MAP4K4: variants seen among roughly 807,000 people sequenced by gnomAD.
MAP4K4 encodes the protein HPK/GCK-like kinase HGK.
Under a neutral mutation model 189.6 loss-of-function variants are expected in MAP4K4, and 38 were observed. That is an observed-to-expected ratio of 0.20 (90% CI 0.15 to 0.26). The LOEUF is 0.26. Ranked by LOEUF, MAP4K4 falls within the 10% of genes least tolerant of loss-of-function variation. The probability of loss-of-function intolerance (pLI) is 1.00; values close to 1 mark genes in which losing one functional copy is unlikely to be tolerated. For missense variants in MAP4K4, 1,054 were observed against 1,726.9 expected, an observed-to-expected ratio of 0.61 and a Z score of 6.91; for synonymous variants, 610 against 624.3, an observed-to-expected ratio of 0.98 and a Z score of 0.34.
chr2:101,887,835 G>C, exon 31 of MAP4K4: 1 of 1,613,256 alleles, frequency 6.2e-7, no homozygotes, highest in Non-Finnish European at 8.5e-7. Flanking sequence ...AGATGGAATG[G>C]AGCTTCTGGT....
At chr2:101,870,907 C>A (rs896437910) in intron 23 of MAP4K4, among the ~76,000 whole-genome samples, 1 of 152,170 alleles carries the variant, frequency 6.6e-6, no homozygotes, top group African/African-American at 2.4e-5. Context: ...CTTCTATGTT[C>A]CAAAATGTTA....
At chr2:101,845,154 T>G (rs1242809488) in intron 12 of MAP4K4, among the ~76,000 whole-genome samples, 1 of 149,720 alleles carries the variant, frequency 6.7e-6, no homozygotes, top group African/African-American at 2.5e-5. Flanking sequence ...AGAAAATAAA[T>G]TTTTACTGGT....
chr2:101,734,901 A>G (rs1250813007), intron 2 of MAP4K4, among the ~76,000 whole-genome samples: 10 of 152,130 alleles, frequency 6.6e-5, no homozygotes, highest in Non-Finnish European at 1.5e-4. Flanking sequence ...CTCAGCATCT[A>G]AGACTCTTAG....
chr2:101,753,663 G>GTT (rs57671185), intron 2 of MAP4K4, among the ~76,000 whole-genome samples: 9 of 143,036 alleles, frequency 6.3e-5, no homozygotes, highest in African/African-American at 5.1e-5. Context: ...CAAGTATACA[G>GTT]TTTTTTTTTT....
intron 3 of MAP4K4, among the ~76,000 whole-genome samples, chr2:101,822,018 C>T (rs2096085591): frequency 6.6e-6 from 1 of 152,216 alleles, no homozygotes; most frequent in South Asian, 2.1e-4. Context: ...AGAAGGTCTT[C>T]AAGGGCAGTC....
At chr2:101,700,845 T>A (rs887330694) in intron 2 of MAP4K4, among the ~76,000 whole-genome samples, 3 of 151,862 alleles carry the variant, frequency 2.0e-5, no homozygotes, top group Non-Finnish European at 4.4e-5. Context: ...GGAACTTCAA[T>A]CTTAGAAGTG....
At chr2:101,835,726 A>G (rs2096730870) in intron 8 of MAP4K4, among the ~76,000 whole-genome samples, 174 bp from the exon 9 acceptor site, 1 of 152,166 alleles carries the variant, frequency 6.6e-6, no homozygotes, top group South Asian at 2.1e-4. Flanking sequence ...CTATTTTTAA[A>G]TGGGAAATTC....
At chr2:101,859,081 T>C (rs1165774053) in exon 14 of MAP4K4, 1 of 1,610,146 alleles carries the variant, frequency 6.2e-7, no homozygotes. Context: ...GCCATGTTAC[T>C]GGTAAAGCCC....
At chr2:101,877,997 C>T (rs989100967) in intron 27 of MAP4K4, among the ~76,000 whole-genome samples, 5 of 152,320 alleles carry the variant, frequency 3.3e-5, no homozygotes, top group East Asian at 1.9e-4. Context: ...GATCCACCCA[C>T]CTTGGCCTCC....
chr2:101,751,225 TAACTA>T (rs1411086650), intron 2 of MAP4K4, among the ~76,000 whole-genome samples: 1 of 152,226 alleles, frequency 6.6e-6, no homozygotes, highest in African/African-American at 2.4e-5. Context: ...AGCATGAAGT[TAACTA>T]AAAGGAAAGG....
intron 32 of MAP4K4, 106 bp downstream of exon 32, chr2:101,889,041 T>C (rs1431958218): frequency 9.0e-7 from 1 of 1,112,520 alleles, no homozygotes; most frequent in East Asian, 2.6e-5. Context: ...ATAAAAATAA[T>C]CAAGGAACTT....
chr2:101,745,204 T>C, intron 2 of MAP4K4, among the ~76,000 whole-genome samples: 1 of 151,956 alleles, frequency 6.6e-6, no homozygotes, highest in East Asian at 1.9e-4. Flanking sequence ...TTTTCAAAGG[T>C]GAAATAGAGC....
chr2:101,870,619 A>G (rs2097964826), intron 23 of MAP4K4: 2 of 576,432 alleles, frequency 3.5e-6, no homozygotes, highest in Non-Finnish European at 6.0e-6. Context: ...TCCACCCCAC[A>G]TCGCTGCTCC....
At chr2:101,769,936 A>T (rs551081199) in intron 2 of MAP4K4, among the ~76,000 whole-genome samples, 1 of 152,292 alleles carries the variant, frequency 6.6e-6, no homozygotes, top group Admixed American at 6.5e-5. Context: ...ATGTATTTAA[A>T]GGAAAGTCTG....
At chr2:101,736,489 G>GT (rs543078359) in intron 2 of MAP4K4, among the ~76,000 whole-genome samples, 3 of 152,166 alleles carry the variant, frequency 2.0e-5, no homozygotes, top group Admixed American at 1.3e-4. Context: ...GCACAGTTGT[G>GT]TTTTTACATT....
In MAP4K4 at chr2:101,852,255, C is replaced by T. The variant is rs555057412; in HGVS notation, c.1234-3722C>T. On this transcript the variant is annotated intron_variant, in intron 12 of 32. Transcript: ENST00000324219. The stretch of plus-strand genomic sequence containing the variant: ...ATTGCCTTAGGATTTGATTGGATTT[C>T]GTAGGACCTAGAGACCTAAATGGAT... 1.1e-3 allele frequency among the ~76,000 whole-genome samples: 160 copies of T among 151,814 alleles called. 2 individuals are homozygous for T. Among genetic ancestry groups the T allele is most frequent in the African/African-American group, 3.7e-3 (152 of 41,410 alleles).
At chr2:101,736,709 C>G (rs2060394927) in intron 2 of MAP4K4, among the ~76,000 whole-genome samples, 1 of 152,184 alleles carries the variant, frequency 6.6e-6, no homozygotes, top group Admixed American at 6.5e-5. Flanking sequence ...GGACCCTGTT[C>G]TAACTTTGTA....
intron 2 of MAP4K4, among the ~76,000 whole-genome samples, chr2:101,776,919 T>C (rs967386075): frequency 6.6e-6 from 1 of 152,228 alleles, no homozygotes; most frequent in Admixed American, 6.5e-5. Context: ...GGATTTTGTT[T>C]TTAAATTAAA....
chr2:101,852,782 A>G (rs974544799), intron 12 of MAP4K4, among the ~76,000 whole-genome samples: 4 of 152,200 alleles, frequency 2.6e-5, no homozygotes, highest in African/African-American at 7.2e-5. Context: ...TGTACTGAGC[A>G]TCCCCTGCCC....
Sources: allele counts gnomAD v4.1 joint callset (sites outside exome capture counted in the v4.1 genomes callset), GRCh38; gene constraint gnomAD v4.1.1; transcripts MANE v1.5; gene names NCBI Gene and HGNC (gene_info 2026-07-23, HGNC 2026-07-21).